Variants in PLPPR1 observed in about 807,000 individuals in gnomAD.
PLPPR1 encodes the protein phospholipid phosphatase-related protein type 1.
A neutral mutation model predicts 33.1 loss-of-function variants in PLPPR1; 10 were observed. The ratio of observed to expected loss-of-function variants is 0.30; its 90% CI spans 0.19 to 0.51. The LOEUF (loss-of-function observed/expected upper bound fraction) is 0.51, where lower values mean the gene tolerates loss of function less well. PLPPR1 is among the 20% of genes least tolerant of loss of function. PLPPR1 has a pLI of 0.97. For synonymous variants in PLPPR1, 151 were observed against 151.0 expected (o/e 1.00, Z 0.00); for missense variants, 304 against 408.1 (o/e 0.74, Z 2.20).
At chr9:101,190,643 C>A (rs1826282023) in intron 2 of PLPPR1, among the ~76,000 whole-genome samples, 1 of 152,104 alleles carries the variant, frequency 6.6e-6, no homozygotes, top group Non-Finnish European at 1.5e-5. Flanking sequence ...GACTGAGGAG[C>A]CTGCCTGGGA....
chr9:101,188,592 A>G (rs1350142892), intron 2 of PLPPR1, among the ~76,000 whole-genome samples: 1 of 152,078 alleles, frequency 6.6e-6, no homozygotes, highest in Non-Finnish European at 1.5e-5. Flanking sequence ...TTTAAAGAAA[A>G]TATTTCAAGT....
At chr9:101,069,741 CCTAA>C (rs1830461210) in intron 1 of PLPPR1, among the ~76,000 whole-genome samples, 1 of 152,078 alleles carries the variant, frequency 6.6e-6, no homozygotes, top group Non-Finnish European at 1.5e-5. Context: ...CACTTACGTC[CCTAA>C]CTGTCAGCAT....
In PLPPR1 at chr9:101,139,945, G is replaced by A. The variant is rs578221448; in HGVS notation, c.-45-45505G>A. On this transcript the variant is annotated intron_variant, in intron 1 of 7. Transcript: ENST00000374874. ...TGGAATCAGCTAGAGTCTATGATCT[G>A]AAACAGCTGGAGAGCCTTTCCCTAT... is the stretch of plus-strand genomic sequence containing the variant. Among the ~76,000 whole-genome samples the A allele has an allele frequency of 2.0e-5, 3 of 152,306 alleles. No individual in the cohort carries two copies. In the South Asian group the frequency reaches 6.2e-4, roughly 32 times the overall value.
intron 2 of PLPPR1, among the ~76,000 whole-genome samples, chr9:101,265,625 ATCTCTCT>A: frequency 6.6e-6 from 1 of 152,342 alleles, no homozygotes; most frequent in East Asian, 1.9e-4. Context: ...AGTGAGATGG[ATCTCTCT>A]GCTCATGGAG....
chr9:101,109,958 G>C (rs1831032563), intron 1 of PLPPR1, among the ~76,000 whole-genome samples: 1 of 152,122 alleles, frequency 6.6e-6, no homozygotes, highest in Admixed American at 6.5e-5. Context: ...TAGGAAAGGT[G>C]GGGATGCTTC....
At chr9:101,089,289 A>T (rs1312174868) in intron 1 of PLPPR1, among the ~76,000 whole-genome samples, 1 of 64,036 alleles carries the variant, frequency 1.6e-5, no homozygotes, top group African/African-American at 6.0e-5. Flanking sequence ...AAGCTAGAAT[A>T]TAGATAGATA....
At chr9:101,143,281 A>G (rs1831477156) in intron 1 of PLPPR1, among the ~76,000 whole-genome samples, 1 of 152,152 alleles carries the variant, frequency 6.6e-6, no homozygotes, top group South Asian at 2.1e-4. Flanking sequence ...GACAGACTAG[A>G]GGCTGCCTCT....
At chr9:101,256,063 A>G (rs547220550) in intron 2 of PLPPR1, among the ~76,000 whole-genome samples, 104 of 152,220 alleles carry the variant, frequency 6.8e-4, no homozygotes, top group Non-Finnish European at 1.3e-3. Context: ...TTCTCTGGCC[A>G]TACACATTTG....
At chr9:101,108,138 C>G (rs535107387) in intron 1 of PLPPR1, among the ~76,000 whole-genome samples, 1 of 146,798 alleles carries the variant, frequency 6.8e-6, no homozygotes, top group African/African-American at 2.6e-5. Flanking sequence ...AGCTGTAGAC[C>G]GGAGCTGTTC....
intron 2 of PLPPR1, among the ~76,000 whole-genome samples, chr9:101,251,542 C>A (rs750662): frequency 0.35 from 53,705 of 151,900 alleles, 9,559 homozygotes; most frequent in Admixed American, 0.39. Flanking sequence ...TTTGACCATG[C>A]CACTGCCTTG....
intron 2 of PLPPR1, 112 bp from the exon 3 acceptor site, chr9:101,269,768 A>C: frequency 9.9e-7 from 1 of 1,011,976 alleles, no homozygotes; most frequent in South Asian, 1.3e-5. Flanking sequence ...ACACTCGCCA[A>C]TACCAATATC....
rs574910571 is a variant in PLPPR1 at position 101,130,002 on chromosome 9, T to C, written c.-45-55448T>C. 4.6e-5 allele frequency among the ~76,000 whole-genome samples: 7 copies of C among 152,260 alleles called. No homozygotes were observed. The South Asian group carries it at 1.5e-3, about 32-fold the overall frequency. Reference sequence around the variant, plus strand: ...TAATGTATTTTGACAGCAGTTAATGTAGTTGCCTGGGGATGAGAAAACAGA... The same window carrying C: ...TAATGTATTTTGACAGCAGTTAATGCAGTTGCCTGGGGATGAGAAAACAGA... On this transcript the variant is annotated intron_variant, in intron 1 of 7. Transcript: ENST00000374874.
intron 1 of PLPPR1, among the ~76,000 whole-genome samples, chr9:101,051,113 G>A (rs1830216584): frequency 6.6e-6 from 1 of 152,092 alleles, no homozygotes. Flanking sequence ...TGATATTGAT[G>A]AGCTTCCATT....
chr9:101,303,501 C>A (rs1237712898), intron 4 of PLPPR1, among the ~76,000 whole-genome samples: 1 of 151,962 alleles, frequency 6.6e-6, no homozygotes, highest in East Asian at 1.9e-4. Flanking sequence ...GGATTTCACC[C>A]TATTGGTCAG....
chr9:101,238,316 ATAG>A (rs1827371837), intron 2 of PLPPR1, among the ~76,000 whole-genome samples: 3 of 131,320 alleles, frequency 2.3e-5, no homozygotes, highest in Non-Finnish European at 4.9e-5. Flanking sequence ...GGGTATGTAT[ATAG>A]GATGTATATA....
intron 6 of PLPPR1, among the ~76,000 whole-genome samples, chr9:101,313,505 G>A (rs559225859): frequency 6.6e-6 from 1 of 152,272 alleles, no homozygotes; most frequent in Admixed American, 6.5e-5. Flanking sequence ...GTGGGCCTCT[G>A]TTACTATTGG....
At chr9:101,120,421 A>T (rs546133230) in intron 1 of PLPPR1, among the ~76,000 whole-genome samples, 3 of 152,218 alleles carry the variant, frequency 2.0e-5, no homozygotes, top group Non-Finnish European at 2.9e-5. Context: ...TTATCCTTGT[A>T]TCATCTATAT....
rs140505461 is a variant in PLPPR1, at chr9:101,080,109, C to A, written c.-46+51007C>A. Among the ~76,000 whole-genome samples the A allele has an allele frequency of 6.9e-3, 1,051 of 152,040 alleles. 13 individuals carry two copies. The highest frequency in any genetic ancestry group is 0.024 in the African/African-American group (1,015 of 41,474). Reference sequence around the variant, plus strand: ...CTTGAGTTTTTTTTCACTGACAGTTCCTCTCTTCTGTTTTCTCTGTTCTAT... The same window carrying A: ...CTTGAGTTTTTTTTCACTGACAGTTACTCTCTTCTGTTTTCTCTGTTCTAT... On this transcript the variant is annotated intron_variant, in intron 1 of 7. Transcript: ENST00000374874.
chr9:101,122,938 A>G (rs527854691), intron 1 of PLPPR1, among the ~76,000 whole-genome samples: 46 of 152,298 alleles, frequency 3.0e-4, no homozygotes, highest in African/African-American at 1.1e-3. Context: ...AACTTTTAAT[A>G]TAAATAGCTT....
Sources: gnomAD v4.1 joint callset for allele counts (sites outside exome capture counted in the v4.1 genomes callset) on GRCh38, gnomAD v4.1.1 for gene constraint, MANE v1.5 for transcripts, NCBI Gene and HGNC (gene_info 2026-07-23, HGNC 2026-07-21) for gene names.